The following CUL1 variants were observed in gnomAD, a reference collection of about 807,000 sequenced individuals.
CUL1 encodes cullin 1.
A neutral mutation model predicts 118.0 loss-of-function variants in CUL1; 24 were observed. The observed-to-expected ratio is 0.20, with a 90% CI of 0.15 to 0.29. The LOEUF is 0.29. CUL1 is among the 10% of genes least tolerant of loss of function. The pLI is 1.00. For synonymous variants in CUL1, 332 were observed against 340.4 expected (o/e 0.98, Z 0.27); for missense variants, 361 against 933.8 (o/e 0.39, Z 7.99).
At chr7:148,705,762 T>C (rs1324060324) in intron 1 of CUL1, among the ~76,000 whole-genome samples, 1 of 152,140 alleles carries the variant, frequency 6.6e-6, no homozygotes, top group African/African-American at 2.4e-5. Flanking sequence ...GACTAGGCCA[T>C]TTCCCCCTCC....
chr7:148,714,448 A>G (rs1798146489), intron 1 of CUL1, among the ~76,000 whole-genome samples: 3 of 152,146 alleles, frequency 2.0e-5, no homozygotes, highest in Admixed American at 6.5e-5. Flanking sequence ...TATTCCTCCT[A>G]TCTAACTGAG....
chr7:148,789,315 G>A (rs770749088), intron 14 of CUL1, among the ~76,000 whole-genome samples: 1 of 152,136 alleles, frequency 6.6e-6, no homozygotes, highest in African/African-American at 2.4e-5. Context: ...CATGTGTGGC[G>A]TTTCCCAGTA....
At chr7:148,716,813 T>A (rs1798228508) in intron 1 of CUL1, among the ~76,000 whole-genome samples, 2 of 152,232 alleles carry the variant, frequency 1.3e-5, no homozygotes. Context: ...TTAGTCTTCC[T>A]GTCCCCTACT....
chr7:148,798,341 G>C (rs1179658520), intron 19 of CUL1, among the ~76,000 whole-genome samples: 1 of 152,108 alleles, frequency 6.6e-6, no homozygotes, highest in Non-Finnish European at 1.5e-5. Flanking sequence ...TAGGGACCTG[G>C]ATTTTCTGTA....
At chr7:148,701,016 A>G (rs1256707197) in intron 1 of CUL1, among the ~76,000 whole-genome samples, 1 of 152,160 alleles carries the variant, frequency 6.6e-6, no homozygotes, top group Non-Finnish European at 1.5e-5. Context: ...TTCTAGCTGT[A>G]ATTAACTACA....
intron 17 of CUL1, among the ~76,000 whole-genome samples, chr7:148,793,612 AG>A (rs1369639784): frequency 7.9e-5 from 12 of 152,340 alleles, no homozygotes; most frequent in African/African-American, 2.9e-4. Context: ...CCCATGTTCT[AG>A]CATGTGTTGG....
At chr7:148,744,025 T>TCA (rs1799229455) in intron 2 of CUL1, among the ~76,000 whole-genome samples, 1 of 152,250 alleles carries the variant, frequency 6.6e-6, no homozygotes, top group Non-Finnish European at 1.5e-5. Context: ...GTGTCCCTTT[T>TCA]TATCCCTGGT....
chr7:148,773,276 A>G (rs906925839), intron 9 of CUL1, among the ~76,000 whole-genome samples: 1 of 151,992 alleles, frequency 6.6e-6, no homozygotes, highest in African/African-American at 2.4e-5. Context: ...AAACTATTAT[A>G]ATATCATTCC....
chr7:148,745,697 C>T (rs541922152), intron 2 of CUL1, among the ~76,000 whole-genome samples: 6 of 151,934 alleles, frequency 3.9e-5, no homozygotes, highest in Non-Finnish European at 7.4e-5. Context: ...TTTACGCAAA[C>T]GTTGATTGGT....
chr7:148,767,971 AT>A (rs890234223), intron 9 of CUL1, among the ~76,000 whole-genome samples: 82 of 149,832 alleles, frequency 5.5e-4, no homozygotes, highest in Non-Finnish European at 8.0e-4. Flanking sequence ...TAATAATGTT[AT>A]TTTTTTTTTC....
rs1554464093 is a variant in CUL1, at chr7:148,726,852, T to TAAAA, written c.-161-3110_-161-3109insAAAA. 6.0e-4 allele frequency among the ~76,000 whole-genome samples: 76 copies of TAAAA among 126,052 alleles called. 1 individual carries two copies. The South Asian group carries it at 7.7e-3, about 13-fold the overall frequency. 82.7% of individuals were successfully genotyped at this position (126,052 alleles called of 152,430 possible). ...CTCTACCAAAAAAAAAAAAAAAAAT[T>TAAAA]TTTTTTTAAATTAGCCAGGCATGGT... On this transcript the variant is annotated intron_variant, in intron 1 of 21. Coordinates refer to ENST00000325222, the MANE Select transcript of CUL1 (RefSeq NM_003592.3).
Position 148,763,898 on chromosome 7 carries a change from A to G in CUL1, c.790-2663A>G, listed in dbSNP as rs1799921350. On this transcript the variant is annotated intron_variant, in intron 7 of 21. Coordinates refer to ENST00000325222, the MANE Select transcript of CUL1 (RefSeq NM_003592.3). ...ATTCTAGCCAGTTGAGAGCAGTTCAAATTCCCTGGGTCTGTGTTCACTTTT... is the reference window on the plus strand; with the variant it reads ...ATTCTAGCCAGTTGAGAGCAGTTCAGATTCCCTGGGTCTGTGTTCACTTTT... 4.6e-5 allele frequency among the ~76,000 whole-genome samples: 7 copies of G among 152,338 alleles called. No homozygotes were observed. The South Asian group carries it at 1.5e-3, about 32-fold the overall frequency.
chr7:148,798,108 A>G (rs1448569185), intron 19 of CUL1, 89 bp downstream of exon 19: 1 of 746,642 alleles, frequency 1.3e-6, no homozygotes. Context: ...TTACAAACCA[A>G]GGGAGACCGG....
intron 11 of CUL1, among the ~76,000 whole-genome samples, chr7:148,784,755 A>G (rs1221808117): frequency 6.6e-6 from 1 of 152,208 alleles, no homozygotes; most frequent in Non-Finnish European, 1.5e-5. Flanking sequence ...CGCCAAAATT[A>G]TATTGGTTTT....
intron 3 of CUL1, 104 bp from the exon 4 acceptor site, chr7:148,756,879 A>C: frequency 1.5e-6 from 1 of 665,942 alleles, no homozygotes; most frequent in Non-Finnish European, 2.3e-6. Context: ...ATCTAAAATC[A>C]CATGTGTCAA....
At chr7:148,753,722 A>G (rs1799567789) in intron 2 of CUL1, among the ~76,000 whole-genome samples, 2 of 151,868 alleles carry the variant, frequency 1.3e-5, no homozygotes, top group Non-Finnish European at 2.9e-5. Context: ...TTTATAGGCA[A>G]CCTCCCTCCT....
intron 1 of CUL1, among the ~76,000 whole-genome samples, chr7:148,708,738 A>G: frequency 6.6e-6 from 1 of 152,200 alleles, no homozygotes; most frequent in East Asian, 1.9e-4. Context: ...TTTTCACTTG[A>G]AAGTAGCTGG....
At chr7:148,743,771 T>G (rs2129460002) in intron 2 of CUL1, among the ~76,000 whole-genome samples, 1 of 152,064 alleles carries the variant, frequency 6.6e-6, no homozygotes. Flanking sequence ...CTACTAAAAA[T>G]ACAAAAATTA....
At chr7:148,708,770 C>T (rs1797964126) in intron 1 of CUL1, among the ~76,000 whole-genome samples, 1 of 152,206 alleles carries the variant, frequency 6.6e-6, no homozygotes, top group Admixed American at 6.5e-5. Flanking sequence ...GGGTATTTGT[C>T]TCTATCTCAG....
Sources: gnomAD v4.1 joint callset for allele counts (sites outside exome capture counted in the v4.1 genomes callset) on GRCh38, gnomAD v4.1.1 for gene constraint, MANE v1.5 for transcripts, NCBI Gene and HGNC (gene_info 2026-07-23, HGNC 2026-07-21) for gene names.